Variants in PDE8A observed in about 807,000 individuals in gnomAD.
PDE8A encodes the protein high affinity cAMP-specific and IBMX-insensitive 3',5'-cyclic phosphodiesterase 8A.
A neutral mutation model predicts 105.0 loss-of-function variants in PDE8A; 59 were observed. The ratio of observed to expected loss-of-function variants is 0.56; its 90% CI spans 0.46 to 0.70. The LOEUF (loss-of-function observed/expected upper bound fraction) is 0.70. Among genes scored for constraint, PDE8A ranks in the 30% least tolerant of loss-of-function variants. The pLI, the probability that PDE8A is intolerant of heterozygous loss-of-function variation, is 0.00. For missense variants in PDE8A, 1,014 were observed against 1,045.9 expected (o/e 0.97, Z 0.42); for synonymous variants, 355 against 371.9 (o/e 0.95, Z 0.52).
chr15:85,120,360 C>A (rs1000165286), intron 17 of PDE8A: 1 of 152,372 alleles, frequency 6.6e-6, no homozygotes, highest in African/African-American at 2.4e-5. Flanking sequence ...CTGACATCAA[C>A]CTGACAAAGA....
At chr15:85,059,810 T>G (rs1183634038) in intron 1 of PDE8A, among the ~76,000 whole-genome samples, 1 of 152,206 alleles carries the variant, frequency 6.6e-6, no homozygotes, top group African/African-American at 2.4e-5. Flanking sequence ...AAGTAATTAC[T>G]GAGCTTGCAC....
At chr15:84,992,075 T>G (rs905583361) in intron 1 of PDE8A, among the ~76,000 whole-genome samples, 1 of 152,064 alleles carries the variant, frequency 6.6e-6, no homozygotes, top group African/African-American at 2.4e-5. Context: ...GCAAATAAAG[T>G]TTATTTTAAG....
intron 1 of PDE8A, among the ~76,000 whole-genome samples, chr15:85,033,828 G>A (rs888370540): frequency 6.6e-6 from 1 of 152,190 alleles, no homozygotes; most frequent in African/African-American, 2.4e-5. Context: ...TTGTGCCGCT[G>A]CACTCCAGCC....
chr15:85,017,609 G>A (rs988704554), intron 1 of PDE8A, among the ~76,000 whole-genome samples: 1 of 152,066 alleles, frequency 6.6e-6, no homozygotes, highest in Non-Finnish European at 1.5e-5. Flanking sequence ...GAATAAGACC[G>A]GACACGGTGG....
chr15:84,991,805 GAGAA>G lies in PDE8A; in HGVS notation c.186+9462_186+9465del, dbSNP rs560341507. Among the ~76,000 whole-genome samples, 501 of 152,298 alleles carry G rather than the reference GAGAA, an allele frequency of 3.3e-3. 1 individual carries two copies. The highest frequency in any genetic ancestry group is 5.2e-3 in the Non-Finnish European group (354 of 68,024). ...ATTAACTTTGATAAATCTCAGTGGAGAGAAAGAAGAAGCCATCAAAAAATCTGTA... is the reference window on the plus strand; with the variant it reads ...ATTAACTTTGATAAATCTCAGTGGAGAGAAGAAGCCATCAAAAAATCTGTA... On this transcript the variant is annotated intron_variant, in intron 1 of 21. Transcript: ENST00000394553.
intron 5 of PDE8A, among the ~76,000 whole-genome samples, chr15:85,082,064 A>G (rs1156831652): frequency 1.3e-5 from 2 of 152,114 alleles, no homozygotes; most frequent in African/African-American, 2.4e-5. Context: ...CACAAGCACT[A>G]TGTCAAGAAA....
At chr15:85,001,684 C>T (rs2080070025) in intron 1 of PDE8A, among the ~76,000 whole-genome samples, 1 of 152,170 alleles carries the variant, frequency 6.6e-6, no homozygotes, top group African/African-American at 2.4e-5. Flanking sequence ...CAAAGATCTT[C>T]TGGATTTGAT....
chr15:85,077,053 A>T (rs901519723), intron 5 of PDE8A, among the ~76,000 whole-genome samples: 61 of 152,174 alleles, frequency 4.0e-4, no homozygotes, highest in African/African-American at 1.5e-3. Flanking sequence ...CTTGTTTTAC[A>T]GTTTGGTTTA....
At chr15:84,980,916 C>G (rs1034232871), upstream of PDE8A, among the ~76,000 whole-genome samples, 2 of 152,222 alleles carry the variant, frequency 1.3e-5, no homozygotes, top group Non-Finnish European at 1.5e-5. Flanking sequence ...AGGCGTGGCG[C>G]GCCAGGTTTT....
Position 85,083,541 on chromosome 15 carries a change from T to TC in PDE8A, c.547-14dup. On this transcript the variant is annotated splice_polypyrimidine_tract_variant and intron_variant, in intron 5 of 21. Transcript: ENST00000394553. ...CACTTTTGTTTATCCACAAAATTCCTCTTTCTGTTTGTAGAGGTATGTAGA... is the reference window on the plus strand; with the variant it reads ...CACTTTTGTTTATCCACAAAATTCCTCCTTTCTGTTTGTAGAGGTATGTAGA... The TC allele has an allele frequency of 6.5e-7, 1 of 1,538,734 alleles. No homozygotes were observed. The highest frequency in any genetic ancestry group is 2.3e-5 in the East Asian group (1 of 44,368).
intron 1 of PDE8A, among the ~76,000 whole-genome samples, chr15:84,987,845 T>G (rs1272661207): frequency 3.3e-5 from 5 of 151,858 alleles, no homozygotes; most frequent in Non-Finnish European, 7.4e-5. Flanking sequence ...CATCCCAGAG[T>G]AACCTTAAAG....
chr15:85,011,899 A>G (rs2141333978), intron 1 of PDE8A, among the ~76,000 whole-genome samples: 1 of 152,378 alleles, frequency 6.6e-6, no homozygotes, highest in African/African-American at 2.4e-5. Flanking sequence ...ACATGAACAG[A>G]CACTTCTCAA....
At chr15:85,067,244 T>A (rs2081244208) in intron 3 of PDE8A, 40 bp downstream of exon 3, 2 of 1,406,138 alleles carry the variant, frequency 1.4e-6, no homozygotes, top group African/African-American at 2.9e-5. Context: ...CCATTGGCCT[T>A]TCTGACAATA....
At position 85,097,973 on chromosome 15, in the gene PDE8A, A is replaced by G; in HGVS notation, c.878A>G (p.Lys293Arg). The G allele has an allele frequency of 1.9e-6, 3 of 1,597,196 alleles. No homozygotes were observed. Among genetic ancestry groups the G allele is most frequent in the Non-Finnish European group, 2.6e-6 (3 of 1,164,682 alleles). The change falls in exon 9 of 22, where the codon AAA (lysine) becomes AGA (arginine). Residue 293 changes from lysine to arginine, a missense_variant. Lys to Arg is a conservative substitution (Grantham distance 26). Transcript: ENST00000394553. ...GAGTGGCAAGGAATTTACTATGCCA[A>G]AAAGAAAAACGGAGATAATATACAA... ...GKEWQGIYYA[K>R]KKNGDNIQQN...
At chr15:85,084,633 A>C (rs1053103762) in intron 6 of PDE8A, among the ~76,000 whole-genome samples, 1 of 152,178 alleles carries the variant, frequency 6.6e-6, no homozygotes, top group Non-Finnish European at 1.5e-5. Flanking sequence ...GTTGGAGCTT[A>C]TTTTATCCAA....
chr15:85,061,242 TA>T (rs904214206), intron 1 of PDE8A, among the ~76,000 whole-genome samples: 33 of 152,164 alleles, frequency 2.2e-4, no homozygotes, highest in African/African-American at 7.9e-4. Flanking sequence ...TTTATTTATT[TA>T]TTTTTTTTGA....
intron 1 of PDE8A, among the ~76,000 whole-genome samples, chr15:85,011,954 C>T (rs1044291927): frequency 1.3e-5 from 2 of 152,270 alleles, no homozygotes; most frequent in South Asian, 2.1e-4. Flanking sequence ...AAAATGCTCA[C>T]CATCACTGGC....
intron 1 of PDE8A, among the ~76,000 whole-genome samples, chr15:85,030,855 C>A (rs2080603597): frequency 6.6e-6 from 1 of 152,230 alleles, no homozygotes. Flanking sequence ...CAGAGTTAAT[C>A]AGTTACTTTT....
chr15:85,093,545 A>G (rs993066401), intron 8 of PDE8A, among the ~76,000 whole-genome samples: 1 of 146,340 alleles, frequency 6.8e-6, no homozygotes, highest in Non-Finnish European at 1.5e-5. Flanking sequence ...GTCAGATGCT[A>G]GGTGTTGGAT....
Sources: gnomAD v4.1 joint callset for allele counts (sites outside exome capture counted in the v4.1 genomes callset) on GRCh38, gnomAD v4.1.1 for gene constraint, MANE v1.5 for transcripts, NCBI Gene and HGNC (gene_info 2026-07-23, HGNC 2026-07-21) for gene names.